Variants in SAFB observed in about 807,000 individuals in gnomAD.
The protein encoded by SAFB is scaffold attachment factor B, also known as scaffold attachment factor B1.
In SAFB, 15 loss-of-function variants were observed where a neutral mutation model predicts 101.6. The observed-to-expected ratio is 0.15, with a 90% CI of 0.10 to 0.23. The LOEUF is 0.23. Ranked by LOEUF, SAFB falls within the 10% of genes least tolerant of loss-of-function variation. SAFB has a pLI of 1.00. For missense variants in SAFB, 930 were observed against 1,104.1 expected (o/e 0.84, Z 2.23); for synonymous variants, 449 against 407.5 (o/e 1.10, Z -1.23).
chr19:5,661,376 C>T, intron 14 of SAFB, 142 bp from the exon 15 acceptor site: 1 of 1,444,910 alleles, frequency 6.9e-7, no homozygotes, highest in Non-Finnish European at 9.2e-7. Context: ...AAGCCTTCTT[C>T]CCGCTGGAGT....
At chr19:5,642,368 C>T (rs191942131) in intron 4 of SAFB, among the ~76,000 whole-genome samples, 43 of 152,208 alleles carry the variant, frequency 2.8e-4, no homozygotes, top group African/African-American at 9.6e-4. Context: ...GAAGGAGCAG[C>T]CCAGGAGTTC....
intron 1 of SAFB, 44 bp downstream of exon 1, chr19:5,623,438 T>C: frequency 6.5e-7 from 1 of 1,534,326 alleles, no homozygotes. Context: ...GGGTCTGGGG[T>C]CCTCTTGGCC....
intron 2 of SAFB, among the ~76,000 whole-genome samples, chr19:5,638,876 C>T (rs142963376): frequency 0.017 from 2,556 of 152,084 alleles, 43 homozygotes; most frequent in East Asian, 0.027. Context: ...CCTGCCACCA[C>T]GCCTGGCTAA....
intron 17 of SAFB, 67 bp downstream of exon 17, chr19:5,664,506 G>GC: frequency 8.2e-7 from 1 of 1,219,198 alleles, no homozygotes; most frequent in South Asian, 1.2e-5. Flanking sequence ...CCTTCAGCGT[G>GC]CCTTCTTCCT....
At chr19:5,662,273 G>A (rs1253446384) in intron 15 of SAFB, among the ~76,000 whole-genome samples, 2 of 152,258 alleles carry the variant, frequency 1.3e-5, no homozygotes, top group African/African-American at 4.8e-5. Flanking sequence ...CAGGGTGGGC[G>A]GATTGCCTTA....
chr19:5,668,332 A>T lies in SAFB; in HGVS notation c.*41A>T, dbSNP rs371156766. 1.9e-6 allele frequency: 3 copies of T among 1,597,390 alleles called. No homozygotes were observed. The highest frequency in any genetic ancestry group is 2.6e-6 in the Non-Finnish European group (3 of 1,175,946). The stretch of plus-strand genomic sequence containing the variant: ...TGTCCTGTCTCGTGGCAACAAGGCT[A>T]TGTTCTGTTAGGAGTTACCTTAAAC... On this transcript the variant is annotated 3_prime_UTR_variant, in exon 21 of 21. Coordinates refer to ENST00000588852, the MANE Select transcript of SAFB (RefSeq NM_001201338.2).
intron 13 of SAFB, among the ~76,000 whole-genome samples, chr19:5,654,663 A>C (rs762332324): frequency 6.6e-6 from 1 of 152,128 alleles, no homozygotes; most frequent in Non-Finnish European, 1.5e-5. Flanking sequence ...GGCTCACTCC[A>C]ACCTCCGCCT....
intron 2 of SAFB, 62 bp downstream of exon 2, chr19:5,626,551 T>C: frequency 1.0e-6 from 1 of 963,656 alleles, no homozygotes; most frequent in Non-Finnish European, 1.7e-6. Context: ...AATACATTGC[T>C]AATGTGCCTC....
At chr19:5,637,583 C>G (rs2053621816) in intron 2 of SAFB, among the ~76,000 whole-genome samples, 1 of 151,848 alleles carries the variant, frequency 6.6e-6, no homozygotes, top group Non-Finnish European at 1.5e-5. Flanking sequence ...TTGAGGATCC[C>G]TTGATGCTGG....
intron 5 of SAFB, among the ~76,000 whole-genome samples, chr19:5,646,826 C>T (rs761377004): frequency 1.3e-5 from 2 of 152,192 alleles, no homozygotes; most frequent in Non-Finnish European, 1.5e-5. Flanking sequence ...GGGTGGTCCC[C>T]ATGCTCGTGG....
chr19:5,647,967 T>G lies in SAFB; in HGVS notation c.610-49T>G, dbSNP rs771258129. The G allele has an allele frequency of 2.0e-6, 3 of 1,518,642 alleles. No homozygotes were observed. In the African/African-American group the frequency reaches 4.1e-5, roughly 21 times the overall value. 94.1% of individuals were successfully genotyped at this position (1,518,642 alleles called of 1,614,324 possible). A position where few individuals can be genotyped will look rare whatever the true frequency, so the allele number is the denominator to read the frequency against. ...ATTCTGGGTTTTCATTTAAATAAAC[T>G]GTAGGTGTCATTCATCTGGCACAGT... On this transcript the variant is annotated intron_variant, in intron 5 of 20. Transcript: ENST00000588852.
intron 15 of SAFB, 65 bp downstream of exon 15, chr19:5,661,873 A>T: frequency 9.0e-7 from 1 of 1,109,720 alleles, no homozygotes; most frequent in Admixed American, 2.9e-5. Context: ...CTCACAGTCC[A>T]GTTAGCTTGA....
At chr19:5,659,006 A>G (rs1009912173) in intron 14 of SAFB, among the ~76,000 whole-genome samples, 1 of 151,248 alleles carries the variant, frequency 6.6e-6, no homozygotes, top group African/African-American at 2.4e-5. Context: ...TTAGCCAGGT[A>G]TGGTGGTGCG....
chr19:5,662,176 C>T (rs560572449), intron 15 of SAFB, among the ~76,000 whole-genome samples: 10 of 152,264 alleles, frequency 6.6e-5, no homozygotes, highest in Admixed American at 2.6e-4. Context: ...TGAGCCACCG[C>T]GACCGGCCAG....
intron 2 of SAFB, among the ~76,000 whole-genome samples, chr19:5,639,978 C>G (rs570675362): frequency 2.0e-5 from 3 of 152,036 alleles, no homozygotes; most frequent in Admixed American, 6.5e-5. Context: ...GCTGGGATTA[C>G]AGTCATGCCC....
intron 8 of SAFB, 53 bp downstream of exon 8, chr19:5,650,028 G>A: frequency 7.0e-7 from 1 of 1,419,146 alleles, no homozygotes. Context: ...CCTGGGCAGT[G>A]GCGGGTATTT....
chr19:5,646,676 T>C (rs2053834274), intron 5 of SAFB, among the ~76,000 whole-genome samples: 1 of 152,242 alleles, frequency 6.6e-6, no homozygotes, highest in African/African-American at 2.4e-5. Flanking sequence ...TACAGTTTCA[T>C]AGAGCATCCT....
intron 13 of SAFB, 83 bp from the exon 14 acceptor site, chr19:5,657,158 A>G: frequency 2.1e-6 from 2 of 971,118 alleles, no homozygotes; most frequent in Non-Finnish European, 3.2e-6. Context: ...ACCCGCCCTG[A>G]ACTTTGAAAG....
In SAFB at chr19:5,667,096, C is replaced by G; in HGVS notation, c.2385C>G (p.Arg795=). The G allele has an allele frequency of 6.2e-7, 1 of 1,612,672 alleles. No individual in the cohort carries two copies. Residue 795 remains arginine (R), a synonymous_variant, in exon 18 of 21, where the codon CGC becomes CGG. Transcript: ENST00000588852. The surrounding 1 kb of genome is among the most constrained non-coding windows in gnomAD (Gnocchi z 4.0). Reference sequence around the variant, plus strand: ...CAGAGCGCCACGGCCGGGACTCCCGCGATGGCTGGGGGGGCTATGGCTCTG... The same window carrying G: ...CAGAGCGCCACGGCCGGGACTCCCGGGATGGCTGGGGGGGCTATGGCTCTG... ...GGPERHGRDS[R]DGWGGYGSDK...
Sources: allele counts gnomAD v4.1 joint callset (sites outside exome capture counted in the v4.1 genomes callset), GRCh38; gene constraint gnomAD v4.1.1; non-coding constraint Gnocchi (gnomAD v3.1); transcripts MANE v1.5; gene names NCBI Gene and HGNC (gene_info 2026-07-23, HGNC 2026-07-21).